The following ZNF865 variants were observed in gnomAD, a reference collection of about 807,000 sequenced individuals.
The protein encoded by ZNF865 is zinc finger protein 865.
For missense variants in ZNF865, 1,311 were observed against 1,593.4 expected, an observed-to-expected ratio of 0.82 and a Z score of 3.02; for synonymous variants, 763 against 750.8, an observed-to-expected ratio of 1.02 and a Z score of -0.27.
Position 55,615,813 on chromosome 19 carries a change from G to A in ZNF865, c.2195G>A (p.Gly732Asp). The A allele has an allele frequency of 6.6e-7, 1 of 1,509,218 alleles. No homozygotes were observed. The highest frequency in any genetic ancestry group is 8.8e-7 in the Non-Finnish European group (1 of 1,135,096). The allele number at this position is 1,509,218 out of a possible 1,614,324, so 93.5% of individuals were successfully genotyped here. ...GAGCGCCTGCTCCCGCCCGCACCCGGCGGCCTGCAGCCCCCGGACGGCTCC... is the reference window on the plus strand; with the variant it reads ...GAGCGCCTGCTCCCGCCCGCACCCGACGGCCTGCAGCCCCCGGACGGCTCC... ...APERLLPPAP[G>D]GLQPPDGSSG... Residue 732 changes from glycine (G) to aspartate (D), a missense_variant, in exon 2 of 2, where the codon GGC becomes GAC. Gly to Asp is a moderately conservative substitution (Grantham distance 94, BLOSUM62 -1). Coordinates refer to ENST00000568956, the MANE Select transcript of ZNF865 (RefSeq NM_001195605.2).
Position 55,613,939 on chromosome 19 carries a change from C to A in ZNF865, c.321C>A (p.Ser107=). ...CCTCCTCCTCCTCCTCTTCGTCCTC[C>A]TCGTCGTCATCTTCGTCCTCTTCCT... ...SSSSSSSSSS[S]SSSSSSSSSS... The change falls in exon 2 of 2, where the codon TCC becomes TCA. Residue 107 remains serine (S), a synonymous_variant. Transcript: ENST00000568956. 1 of 1,533,186 alleles carries A rather than the reference C, an allele frequency of 6.5e-7. No homozygotes were observed. Among genetic ancestry groups the A allele is most frequent in the Non-Finnish European group, 8.7e-7 (1 of 1,145,090 alleles). 95.0% of individuals were successfully genotyped at this position (1,533,186 alleles called of 1,614,324 possible). A position where few individuals can be genotyped will look rare whatever the true frequency, so the allele number is the denominator to read the frequency against.
At chr19:55,610,266 G>A (rs1476702990) in intron 1 of ZNF865, among the ~76,000 whole-genome samples, 1 of 152,110 alleles carries the variant, frequency 6.6e-6, no homozygotes, top group Non-Finnish European at 1.5e-5. Context: ...CTTTTTGTTT[G>A]TTTGTGTTTT....
Position 55,616,588 on chromosome 19 carries a change from C to T in ZNF865, c.2970C>T (p.Arg990=). The change falls in exon 2 of 2, where the codon CGC becomes CGT. Residue 990 remains arginine, a synonymous_variant. Transcript: ENST00000568956. ...ATGAGCCGCCGCGGCCCGAGCTCCG[C>T]TGCCCCGCCTGCCTCAAGGCCTTCA... ...RAHEPPRPEL[R]CPACLKAFKD... The T allele has an allele frequency of 1.3e-6, 2 of 1,527,204 alleles. No individual in the cohort carries two copies. 94.6% of individuals were successfully genotyped at this position (1,527,204 alleles called of 1,614,324 possible). A position where few individuals can be genotyped will look rare whatever the true frequency, so the allele number is the denominator to read the frequency against.
chr19:55,616,346 G>C lies in ZNF865; in HGVS notation c.2728G>C (p.Ala910Pro), dbSNP rs1380971852. 1.3e-6 allele frequency: 2 copies of C among 1,522,292 alleles called. No individual in the cohort carries two copies. The allele number at this position is 1,522,292 out of a possible 1,614,324, so 94.3% of individuals were successfully genotyped here. ...GERAFKCGVC[A>P]KRFAQSSSLA... ...GCGGGCCTTCAAGTGCGGCGTGTGC[G>C]CCAAGCGCTTCGCGCAGTCGTCCAG... Residue 910 changes from alanine to proline, a missense_variant, in exon 2 of 2, where the codon GCC becomes CCC. Ala to Pro is a conservative substitution (Grantham distance 27, BLOSUM62 -1). Transcript: ENST00000568956.
chr19:55,607,439 G>GAAA (rs112301848), intron 1 of ZNF865, among the ~76,000 whole-genome samples: 7 of 78,394 alleles, frequency 8.9e-5, no homozygotes, highest in Admixed American at 3.1e-4. Flanking sequence ...GTCTTTACAG[G>GAAA]AAAAAAAAAA....
rs1239619261 is a variant in ZNF865, at chr19:55,613,706, C to G, written c.88C>G (p.Pro30Ala). The G allele has an allele frequency of 6.5e-7, 1 of 1,534,724 alleles. No homozygotes were observed. Among genetic ancestry groups the G allele is most frequent in the South Asian group, 1.2e-5 (1 of 84,048 alleles). ...GEDGVHFQSY[P>A]FDFLEFLNHQ... ...GGACGGGGTGCACTTCCAGAGCTAC[C>G]CCTTCGACTTCCTGGAATTCCTCAA... Residue 30 changes from proline to alanine, a missense_variant, in exon 2 of 2, where the codon CCC becomes GCC. By Grantham distance (27) the Pro-to-Ala change is conservative. Coordinates refer to ENST00000568956, the MANE Select transcript of ZNF865 (RefSeq NM_001195605.2).
In ZNF865 at chr19:55,613,703, T is replaced by C; in HGVS notation, c.85T>C (p.Tyr29His). Residue 29 changes from tyrosine to histidine, a missense_variant, in exon 2 of 2, where the codon TAC becomes CAC. Transcript: ENST00000568956. ...CGAGGACGGGGTGCACTTCCAGAGC[T>C]ACCCCTTCGACTTCCTGGAATTCCT... ...GGEDGVHFQS[Y>H]PFDFLEFLNH... 1 of 1,534,568 alleles carries C rather than the reference T, an allele frequency of 6.5e-7. No individual in the cohort carries two copies.
chr19:55,615,903 C>A lies in ZNF865; in HGVS notation c.2285C>A (p.Ala762Glu), dbSNP rs552114347. ...GLAGEVGAAV[A>E]ALAGVSGGED... ...GCGGGGGAGGTGGGGGCGGCCGTGG[C>A]GGCACTGGCAGGGGTGTCTGGGGGT... Residue 762 changes from alanine to glutamate, a missense_variant, in exon 2 of 2, where the codon GCG (alanine) becomes GAG (glutamate). Ala to Glu is a moderately radical substitution (Grantham distance 107). Coordinates refer to ENST00000568956, the MANE Select transcript of ZNF865 (RefSeq NM_001195605.2). The A allele has an allele frequency of 4.1e-6, 6 of 1,473,068 alleles. No homozygotes were observed. In the Middle Eastern group the frequency reaches 5.6e-4, roughly 137 times the overall value. 91.2% of individuals were successfully genotyped at this position (1,473,068 alleles called of 1,614,324 possible).
intron 1 of ZNF865, among the ~76,000 whole-genome samples, chr19:55,609,376 A>C (rs1025576673): frequency 6.6e-6 from 1 of 152,238 alleles, no homozygotes; most frequent in South Asian, 2.1e-4. Context: ...TTTGTATTTC[A>C]GAGTCAATGC....
rs1357404163 is a variant in ZNF865, at chr19:55,614,463, G to C, written c.845G>C (p.Gly282Ala). 1 of 1,417,006 alleles carries C rather than the reference G, an allele frequency of 7.1e-7. No individual in the cohort carries two copies. The highest frequency in any genetic ancestry group is 1.5e-5 in the African/African-American group (1 of 66,808). 87.8% of individuals were successfully genotyped at this position (1,417,006 alleles called of 1,614,324 possible). The change falls in exon 2 of 2, where the codon GGG becomes GCG. Residue 282 changes from glycine (G) to alanine (A), a missense_variant. Transcript: ENST00000568956. This position sits in a 1 kb window ranked among gnomAD's most constrained non-coding sequence, Gnocchi z 8.0. Reference sequence around the variant, plus strand: ...CACAAGGACGTGCCACCGGCCGCGGGGGGCCCGCCCCAGCCCGGCCCCCAC... The same window carrying C: ...CACAAGGACGTGCCACCGGCCGCGGCGGGCCCGCCCCAGCCCGGCCCCCAC... The part of the protein sequence containing the change: ...RCHKDVPPAA[G>A]GPPQPGPHLP...
Position 55,614,544 on chromosome 19 carries a change from C to T in ZNF865, c.926C>T (p.Pro309Leu). The T allele has an allele frequency of 1.4e-6, 2 of 1,431,512 alleles. No homozygotes were observed. Among genetic ancestry groups the T allele is most frequent in the Non-Finnish European group, 1.8e-6 (2 of 1,101,582 alleles). The allele number at this position is 1,431,512 out of a possible 1,614,324, so 88.7% of individuals were successfully genotyped here. Reference protein sequence around the residue: ...PAASAATAAAPSTVSSGPPAT... With the variant: ...PAASAATAAALSTVSSGPPAT... ...GCCAGCGCCGCCACCGCCGCCGCCCCCTCCACGGTGTCCTCGGGCCCTCCA... is the reference window on the plus strand; with the variant it reads ...GCCAGCGCCGCCACCGCCGCCGCCCTCTCCACGGTGTCCTCGGGCCCTCCA... Residue 309 changes from proline to leucine, a missense_variant, in exon 2 of 2, where the codon CCC becomes CTC. Pro to Leu is a moderately conservative substitution (Grantham distance 98). Transcript: ENST00000568956. This position sits in a 1 kb window ranked among gnomAD's most constrained non-coding sequence, Gnocchi z 8.0.
In ZNF865 at chr19:55,613,827, CG is replaced by C; in HGVS notation, c.210del (p.Gln71SerfsTer92). On this transcript the variant is annotated frameshift_variant, in exon 2 of 2. Coordinates refer to ENST00000568956, the MANE Select transcript of ZNF865 (RefSeq NM_001195605.2). LOFTEE classifies it low-confidence loss of function (END_TRUNC). ...CCCGGCCCCCCGCCGCAGCCCCCGCCGCAGCCCCCTCCCCCGCAGTATGACT... is the reference window on the plus strand; with the variant it reads ...CCCGGCCCCCCGCCGCAGCCCCCGCCCAGCCCCCTCCCCCGCAGTATGACT... The part of the protein sequence containing the change: ...CAPGPPPQPP[P>X]QPPPPQYDYP... 6.7e-7 allele frequency: 1 copy of C among 1,501,356 alleles called. No homozygotes were observed. The highest frequency in any genetic ancestry group is 1.2e-5 in the South Asian group (1 of 80,938). The allele number at this position is 1,501,356 out of a possible 1,614,324, so 93.0% of individuals were successfully genotyped here.
Position 55,616,105 on chromosome 19 carries a change from C to T in ZNF865, c.2487C>T (p.Phe829=), listed in dbSNP as rs1484211056. Residue 829 remains phenylalanine, a synonymous_variant, in exon 2 of 2, where the codon TTC becomes TTT. Coordinates refer to ENST00000568956, the MANE Select transcript of ZNF865 (RefSeq NM_001195605.2). Reference sequence around the variant, plus strand: ...GCTGCGGCCTCTGCGGCCAGAGCTTCGCGGGCGCCTACGACTTGCTCCTAC... The same window carrying T: ...GCTGCGGCCTCTGCGGCCAGAGCTTTGCGGGCGCCTACGACTTGCTCCTAC... ...TLGCGLCGQS[F]AGAYDLLLHR... 3.2e-5 allele frequency: 47 copies of T among 1,489,140 alleles called. No homozygotes were observed. Among genetic ancestry groups the T allele is most frequent in the Non-Finnish European group, 4.2e-5 (47 of 1,122,178 alleles). 92.2% of individuals were successfully genotyped at this position (1,489,140 alleles called of 1,614,324 possible). A position where few individuals can be genotyped will look rare whatever the true frequency, so the allele number is the denominator to read the frequency against.
intron 1 of ZNF865, among the ~76,000 whole-genome samples, chr19:55,612,116 C>T (rs900367029): frequency 6.6e-6 from 1 of 152,134 alleles, no homozygotes; most frequent in African/African-American, 2.4e-5. Context: ...ATGGATGGTA[C>T]AAATAGCTCA....
At chr19:55,609,141 C>T (rs1981045460) in intron 1 of ZNF865, among the ~76,000 whole-genome samples, 1 of 152,180 alleles carries the variant, frequency 6.6e-6, no homozygotes, top group Non-Finnish European at 1.5e-5. Context: ...GCCTCAGCTT[C>T]CCCACTAGCT....
At position 55,616,471 on chromosome 19, in the gene ZNF865, G is replaced by A; in HGVS notation, c.2853G>A (p.Gln951=). 1 of 1,532,764 alleles carries A rather than the reference G, an allele frequency of 6.5e-7. No homozygotes were observed. Among genetic ancestry groups the A allele is most frequent in the African/African-American group, 1.4e-5 (1 of 72,958 alleles). 94.9% of individuals were successfully genotyped at this position (1,532,764 alleles called of 1,614,324 possible). Residue 951 remains glutamine, a synonymous_variant, in exon 2 of 2, where the codon CAG becomes CAA. Coordinates refer to ENST00000568956, the MANE Select transcript of ZNF865 (RefSeq NM_001195605.2). Reference sequence around the variant, plus strand: ...ACCGCTCCAACCTGCTGGAGCACCAGCGGCTGCACCTGGGCGAGCGCGCCT... The same window carrying A: ...ACCGCTCCAACCTGCTGGAGCACCAACGGCTGCACCTGGGCGAGCGCGCCT... ...FRYRSNLLEH[Q]RLHLGERAYR...
chr19:55,615,841 C>A lies in ZNF865; in HGVS notation c.2223C>A (p.Ser741Arg), dbSNP rs1254372269. The change falls in exon 2 of 2, where the codon AGC (serine) becomes AGA (arginine). Residue 741 changes from serine to arginine, a missense_variant. Transcript: ENST00000568956. ...GCCTGCAGCCCCCGGACGGCTCCAG[C>A]GGCACGGATGCGGCCAGCGTGCTGG... is the stretch of plus-strand genomic sequence containing the variant. ...PGGLQPPDGS[S>R]GTDAASVLDN... 11 of 1,501,076 alleles carry A rather than the reference C, an allele frequency of 7.3e-6. No individual in the cohort carries two copies. The highest frequency in any genetic ancestry group is 7.9e-6 in the Non-Finnish European group (9 of 1,132,108). The allele number at this position is 1,501,076 out of a possible 1,614,324, so 93.0% of individuals were successfully genotyped here. A position where few individuals can be genotyped will look rare whatever the true frequency, so the allele number is the denominator to read the frequency against.
rs1981317949 is a variant in ZNF865, at chr19:55,615,496, G to A, written c.1878G>A (p.Gln626=). The A allele has an allele frequency of 1.3e-6, 2 of 1,510,944 alleles. No individual in the cohort carries two copies. Among genetic ancestry groups the A allele is most frequent in the Middle Eastern group, 1.7e-4 (1 of 5,858 alleles). 93.6% of individuals were successfully genotyped at this position (1,510,944 alleles called of 1,614,324 possible). A position where few individuals can be genotyped will look rare whatever the true frequency, so the allele number is the denominator to read the frequency against. ...GYPQSLTRHR[Q]VHRLQLPCAL... ...CGCAGAGCCTCACCCGCCACCGCCA[G>A]GTGCACCGGCTCCAGCTGCCCTGCG... is the stretch of plus-strand genomic sequence containing the variant. The change falls in exon 2 of 2, where the codon CAG becomes CAA. Residue 626 remains glutamine, a synonymous_variant. Transcript: ENST00000568956.
At position 55,615,192 on chromosome 19, in the gene ZNF865, C is replaced by T. The variant is rs945397106; in HGVS notation, c.1574C>T (p.Ala525Val). The T allele has an allele frequency of 2.1e-6, 3 of 1,408,504 alleles. No individual in the cohort carries two copies. Among genetic ancestry groups the T allele is most frequent in the African/African-American group, 1.5e-5 (1 of 65,270 alleles). The allele number at this position is 1,408,504 out of a possible 1,614,324, so 87.3% of individuals were successfully genotyped here. A position where few individuals can be genotyped will look rare whatever the true frequency, so the allele number is the denominator to read the frequency against. ...GCTGTGCCCGTCCCGCTCCTGGGCG[C>T]CCACCCGCTGCTGCTCGGCGGCGCG... Reference protein sequence around the residue: ...YGAVPVPLLGAHPLLLGGAGT... With the variant: ...YGAVPVPLLGVHPLLLGGAGT... Residue 525 changes from alanine (A) to valine (V), a missense_variant, in exon 2 of 2, where the codon GCC becomes GTC. By Grantham distance (64) the Ala-to-Val change is moderately conservative. Transcript: ENST00000568956.
Sources: gnomAD v4.1 joint callset for allele counts (sites outside exome capture counted in the v4.1 genomes callset) on GRCh38, gnomAD v4.1.1 for gene constraint, Gnocchi (gnomAD v3.1) non-coding constraint, MANE v1.5 for transcripts, NCBI Gene and HGNC (gene_info 2026-07-23, HGNC 2026-07-21) for gene names.